CHL1: variants seen among roughly 807,000 people sequenced by gnomAD.
CHL1 encodes neural cell adhesion molecule L1-like protein.
Under a neutral mutation model 141.9 loss-of-function variants are expected in CHL1, and 96 were observed. The observed-to-expected ratio is 0.68, with a 90% CI of 0.57 to 0.80. The LOEUF (loss-of-function observed/expected upper bound fraction) is 0.80, where lower values mean the gene tolerates loss of function less well. Among genes scored for constraint, CHL1 ranks in the 30% least tolerant of loss-of-function variants. The probability of loss-of-function intolerance (pLI) is 0.00; values close to 1 mark genes in which losing one functional copy is unlikely to be tolerated. For missense variants in CHL1, 1,820 were observed against 1,457.2 expected, an observed-to-expected ratio of 1.25 and a Z score of -4.05; for synonymous variants, 613 against 502.2, an observed-to-expected ratio of 1.22 and a Z score of -2.95.
chr3:268,090 CG>C (rs1695310474), intron 2 of CHL1, among the ~76,000 whole-genome samples: 1 of 151,974 alleles, frequency 6.6e-6, no homozygotes, highest in African/African-American at 2.4e-5. Flanking sequence ...TGTTTTGCCC[CG>C]ACACATGTTC....
chr3:214,580 T>A (rs948977137), intron 1 of CHL1, among the ~76,000 whole-genome samples: 1 of 152,188 alleles, frequency 6.6e-6, no homozygotes, highest in Admixed American at 6.5e-5. Flanking sequence ...TACATTGCAT[T>A]TTAATTACAT....
At chr3:395,016 T>C (rs1373469306) in intron 24 of CHL1, 144 bp downstream of exon 24, 1 of 684,916 alleles carries the variant, frequency 1.5e-6, no homozygotes, top group Non-Finnish European at 2.3e-6. Flanking sequence ...CCTTCTGTTT[T>C]CCACTGACAT....
chr3:213,530 C>A (rs893586820), intron 1 of CHL1: 3 of 152,152 alleles, frequency 2.0e-5, no homozygotes, highest in African/African-American at 7.2e-5. Flanking sequence ...TTAAAATAGA[C>A]CTAAATGCCT....
intron 25 of CHL1, among the ~76,000 whole-genome samples, chr3:398,665 CAA>C (rs1708873125): frequency 6.6e-6 from 1 of 151,946 alleles, no homozygotes; most frequent in Non-Finnish European, 1.5e-5. Context: ...AAAAGCAAAA[CAA>C]AACAAAAACC....
chr3:292,481 T>C (rs1242797455), intron 2 of CHL1, among the ~76,000 whole-genome samples: 1 of 152,252 alleles, frequency 6.6e-6, no homozygotes, highest in East Asian at 1.9e-4. Context: ...ACAAGACCAC[T>C]GGTGGAAATT....
intron 15 of CHL1, among the ~76,000 whole-genome samples, chr3:368,014 C>T (rs1178013939): frequency 6.6e-6 from 1 of 152,110 alleles, no homozygotes; most frequent in Non-Finnish European, 1.5e-5. Flanking sequence ...GCCTTGGTAT[C>T]GGTTTCATGT....
chr3:289,931 C>CTTTTTT (rs769872997), intron 2 of CHL1, among the ~76,000 whole-genome samples: 8 of 102,760 alleles, frequency 7.8e-5, no homozygotes, highest in Non-Finnish European at 1.1e-4. Flanking sequence ...CCACTGGTAT[C>CTTTTTT]TTTTTTTTTT....
At chr3:254,793 T>C (rs1027057219) in intron 2 of CHL1, among the ~76,000 whole-genome samples, 2 of 152,246 alleles carry the variant, frequency 1.3e-5, no homozygotes, top group African/African-American at 4.8e-5. Context: ...GCATGAAGCC[T>C]CTTCTAAGGC....
chr3:269,125 A>G (rs1045428932), intron 2 of CHL1, among the ~76,000 whole-genome samples: 2 of 152,194 alleles, frequency 1.3e-5, no homozygotes, highest in Non-Finnish European at 2.9e-5. Context: ...AAAAAACTCA[A>G]TTTCCCCAAC....
intron 2 of CHL1, among the ~76,000 whole-genome samples, chr3:260,885 G>T (rs1272010836): frequency 6.6e-6 from 1 of 152,148 alleles, no homozygotes; most frequent in Non-Finnish European, 1.5e-5. Flanking sequence ...TTTCCACAAG[G>T]CGTCAGCAGC....
rs555329522 is a variant in CHL1 at position 225,933 on chromosome 3, T to C, written c.-174-18680T>C. On this transcript the variant is annotated intron_variant, in intron 1 of 27. Coordinates refer to ENST00000256509, the MANE Select transcript of CHL1 (RefSeq NM_006614.4). ...CTGAGGCAGGAGAATCACTTGAACC[T>C]GGGAGGCGGAGCTTGCAGTGAGCCG... Among the ~76,000 whole-genome samples the C allele has an allele frequency of 3.3e-3, 489 of 150,058 alleles. 4 individuals carry two copies. The highest frequency in any genetic ancestry group is 0.023 in the South Asian group (107 of 4,562).
At chr3:395,393 C>T (rs1470780204) in intron 24 of CHL1, among the ~76,000 whole-genome samples, 2 of 152,222 alleles carry the variant, frequency 1.3e-5, no homozygotes, top group African/African-American at 4.8e-5. Context: ...TATGGTTTCA[C>T]TTGTAACACA....
intron 5 of CHL1, among the ~76,000 whole-genome samples, chr3:334,234 G>T (rs1701688580): frequency 1.3e-5 from 2 of 152,090 alleles, no homozygotes; most frequent in African/African-American, 2.4e-5. Context: ...ATGGGGTTTT[G>T]CTATGTTGCC....
Position 366,024 on chromosome 3 carries a change from A to T in CHL1, c.1660A>T (p.Ser554Cys). The T allele has an allele frequency of 6.2e-7, 1 of 1,613,150 alleles. No homozygotes were observed. Among genetic ancestry groups the T allele is most frequent in the East Asian group, 2.2e-5 (1 of 44,860 alleles). ...KLHMLELHCESKCDSHLKHSL... is the reference protein window; with the variant it reads ...KLHMLELHCECKCDSHLKHSL... ...GCATATGCTTGAATTACATTGTGAA[A>T]GCAAATGTGACTCACATTTGAAACA... The change falls in exon 15 of 28, where the codon AGC becomes TGC. Residue 554 changes from serine to cysteine, a missense_variant. Transcript: ENST00000256509.
At chr3:251,554 C>G (rs1294287363) in intron 2 of CHL1, among the ~76,000 whole-genome samples, 1 of 152,084 alleles carries the variant, frequency 6.6e-6, no homozygotes, top group Non-Finnish European at 1.5e-5. Flanking sequence ...GTTTCAATTT[C>G]ACACTTCTTT....
intron 1 of CHL1, among the ~76,000 whole-genome samples, chr3:233,193 A>G (rs1480872469): frequency 2.6e-5 from 4 of 152,158 alleles, no homozygotes. Flanking sequence ...TGAGCATGAC[A>G]CCTAGGGCTC....
chr3:314,363 ATATAT>A (rs1183189545), intron 2 of CHL1, among the ~76,000 whole-genome samples: 1 of 122,652 alleles, frequency 8.2e-6, no homozygotes, highest in African/African-American at 3.1e-5. Context: ...ATATATATAT[ATATAT>A]ATCTGCTTCA....
At chr3:301,660 G>T (rs1009707165) in intron 2 of CHL1, among the ~76,000 whole-genome samples, 1 of 152,184 alleles carries the variant, frequency 6.6e-6, no homozygotes, top group Admixed American at 6.5e-5. Flanking sequence ...CTTCTAAAGA[G>T]ATGCGGCATT....
intron 2 of CHL1, among the ~76,000 whole-genome samples, chr3:252,371 T>TAC (rs1693777800): frequency 8.5e-6 from 1 of 117,950 alleles, no homozygotes; most frequent in African/African-American, 3.1e-5. Context: ...GATATATATA[T>TAC]ATATATATAT....
Sources: gnomAD v4.1 joint callset for allele counts (sites outside exome capture counted in the v4.1 genomes callset) on GRCh38, gnomAD v4.1.1 for gene constraint, MANE v1.5 for transcripts, NCBI Gene and HGNC (gene_info 2026-07-23, HGNC 2026-07-21) for gene names.